GALNTL5: variants seen among roughly 807,000 people sequenced by gnomAD.
GALNTL5 encodes the protein inactive polypeptide N-acetylgalactosaminyltransferase-like protein 5.
Under a neutral mutation model 51.0 loss-of-function variants are expected in GALNTL5, and 44 were observed. The observed-to-expected ratio is 0.86, with a 90% CI of 0.68 to 1.11. GALNTL5 has a LOEUF of 1.11. GALNTL5 is among the 50% of genes least tolerant of loss of function. The pLI is 0.00. For missense variants in GALNTL5, 528 were observed against 531.8 expected, an observed-to-expected ratio of 0.99 and a Z score of 0.07; for synonymous variants, 192 against 182.8, an observed-to-expected ratio of 1.05 and a Z score of -0.41.
At chr7:152,002,679 T>A in intron 5 of GALNTL5, 35 bp from the exon 6 acceptor site, 1 of 1,602,580 alleles carries the variant, frequency 6.2e-7, no homozygotes, top group Non-Finnish European at 8.5e-7. Context: ...TTTTCAGCTA[T>A]GTGGACTAAC....
intron 8 of GALNTL5, among the ~76,000 whole-genome samples, 170 bp from the exon 9 acceptor site, chr7:152,019,476 G>T (rs939919774): frequency 6.6e-6 from 1 of 152,200 alleles, no homozygotes; most frequent in Non-Finnish European, 1.5e-5. Context: ...GTAAATCCGA[G>T]GTCCCATAGT....
In GALNTL5 at chr7:151,999,671, T is replaced by C. The variant is rs2081546562; in HGVS notation, c.659-3043T>C. Among the ~76,000 whole-genome samples the C allele has an allele frequency of 2.0e-5, 3 of 148,576 alleles. 1 individual carries two copies. The highest frequency in any genetic ancestry group is 7.3e-5 in the African/African-American group (3 of 41,246). On this transcript the variant is annotated intron_variant, in intron 5 of 8. Transcript: ENST00000392800. Reference sequence around the variant, plus strand: ...ATCTTCTTAGGAGAACCAGATGTTATTTTTCACCTATCAAATGAGCAGACA... The same window carrying C: ...ATCTTCTTAGGAGAACCAGATGTTACTTTTCACCTATCAAATGAGCAGACA...
chr7:152,002,678 AT>A (rs1225777824), intron 5 of GALNTL5, 35 bp from the exon 6 acceptor site: 1 of 1,601,708 alleles, frequency 6.2e-7, no homozygotes, highest in Non-Finnish European at 8.5e-7. Flanking sequence ...TTTTTCAGCT[AT>A]GTGGACTAAC....
At chr7:151,988,655 A>G (rs2151950019) in intron 5 of GALNTL5, among the ~76,000 whole-genome samples, 1 of 152,256 alleles carries the variant, frequency 6.6e-6, no homozygotes, top group African/African-American at 2.4e-5. Flanking sequence ...ATGCATTTAT[A>G]GATATATACA....
chr7:152,007,178 CTAA>C (rs1056600082), intron 6 of GALNTL5, among the ~76,000 whole-genome samples: 3 of 152,044 alleles, frequency 2.0e-5, no homozygotes, highest in Non-Finnish European at 4.4e-5. Flanking sequence ...TACAATTCAC[CTAA>C]TGTCTTTAGA....
intron 6 of GALNTL5, among the ~76,000 whole-genome samples, chr7:152,003,962 C>A (rs564980988): frequency 6.6e-6 from 1 of 152,006 alleles, no homozygotes; most frequent in Non-Finnish European, 1.5e-5. Flanking sequence ...TACATTGGAT[C>A]ATTCTTTTTG....
chr7:151,960,505 G>C (rs981446198), intron 1 of GALNTL5: 1 of 152,266 alleles, frequency 6.6e-6, no homozygotes, highest in Non-Finnish European at 1.5e-5. Context: ...ATTCGACTAA[G>C]ATTTGCATGG....
chr7:151,979,474 A>AG (rs905106837), intron 3 of GALNTL5, among the ~76,000 whole-genome samples: 8 of 147,372 alleles, frequency 5.4e-5, no homozygotes, highest in African/African-American at 2.0e-4. Context: ...TGGTGGGGGG[A>AG]GGGGGGCAGA....
chr7:152,009,852 C>T (rs2081705996), intron 7 of GALNTL5, among the ~76,000 whole-genome samples: 1 of 152,176 alleles, frequency 6.6e-6, no homozygotes, highest in Non-Finnish European at 1.5e-5. Context: ...CATCAGTCCC[C>T]ATGGCTGTAA....
chr7:151,973,904 C>G (rs2081177958), intron 3 of GALNTL5, among the ~76,000 whole-genome samples: 1 of 152,026 alleles, frequency 6.6e-6, no homozygotes. Context: ...GTAGTTTCCC[C>G]CATGCTGTTC....
At chr7:151,958,554 G>A (rs10952335) in intron 1 of GALNTL5, among the ~76,000 whole-genome samples, 56,275 of 151,818 alleles carry the variant, frequency 0.37, 11,179 homozygotes, top group Middle Eastern at 0.53. Context: ...GTTTGGTTGC[G>A]GCAAACAGTG....
chr7:151,973,888 A>G (rs537615474), intron 3 of GALNTL5, among the ~76,000 whole-genome samples: 14 of 152,144 alleles, frequency 9.2e-5, no homozygotes, highest in Non-Finnish European at 1.6e-4. Context: ...TGATTGGATC[A>G]TGGGAGTAGT....
Position 151,983,240 on chromosome 7 carries a change from C to A in GALNTL5, c.535+88C>A. ...TCACCCAGGCTGGAGTGCAGTGGTA[C>A]CATCTCGGCTCACTGCAACCTCTGC... On this transcript the variant is annotated intron_variant, in intron 4 of 8. Coordinates refer to ENST00000392800, the MANE Select transcript of GALNTL5 (RefSeq NM_145292.4). 4 of 1,120,710 alleles carry A rather than the reference C, an allele frequency of 3.6e-6. No individual in the cohort carries two copies. The Admixed American group carries it at 5.1e-5, about 14-fold the overall frequency. 69.4% of individuals were successfully genotyped at this position (1,120,710 alleles called of 1,614,324 possible).
chr7:151,974,118 C>CTGGCTTATTTTGCTT (rs1269407130), intron 3 of GALNTL5, among the ~76,000 whole-genome samples: 9 of 67,458 alleles, frequency 1.3e-4, no homozygotes, highest in East Asian at 8.1e-4. Context: ...TACCCAGTCT[C>CTGGCTTATTTTGCTT]AGGTGGTATC....
intron 1 of GALNTL5, among the ~76,000 whole-genome samples, chr7:151,958,948 G>A (rs1293871243): frequency 2.6e-5 from 4 of 152,168 alleles, no homozygotes; most frequent in African/African-American, 9.7e-5. Flanking sequence ...GGGTTTTCAT[G>A]GGCTCAGAAT....
At chr7:151,981,681 C>T (rs77671718) in intron 3 of GALNTL5, among the ~76,000 whole-genome samples, 1,011 of 65,228 alleles carry the variant, frequency 0.015, 4 homozygotes, top group South Asian at 0.026. Context: ...TTCTTTCTTT[C>T]TTTTTTTTTT....
rs2081072609 is a variant in GALNTL5 at position 151,967,328 on chromosome 7, C to T, written c.82C>T (p.His28Tyr). The T allele has an allele frequency of 6.2e-7, 1 of 1,613,982 alleles. No homozygotes were observed. The highest frequency in any genetic ancestry group is 8.5e-7 in the Non-Finnish European group (1 of 1,180,004). Residue 28 changes from histidine (H) to tyrosine (Y), a missense_variant, in exon 2 of 9, where the codon CAC becomes TAC. Transcript: ENST00000392800. ...GACAGCTCTGTTATTCATATATTTG[C>T]ACCATAATCATGTGAGCAGCTGGCA... The part of the protein sequence containing the change: ...IWTALLFIYL[H>Y]HNHVSSWQKK...
rs147950928 is a variant in GALNTL5 at position 151,965,930 on chromosome 7, C to T, written c.-39-1278C>T. On this transcript the variant is annotated intron_variant, in intron 1 of 8. Transcript: ENST00000392800. ...TAGGAGTTCTTTATTCTCCTCCCCC[C>T]AACCATGGAGGTAATCACTGTTATG... Among the ~76,000 whole-genome samples the T allele has an allele frequency of 1.2e-3, 184 of 152,150 alleles. 1 individual carries two copies. Among genetic ancestry groups the T allele is most frequent in the African/African-American group, 4.2e-3 (174 of 41,502 alleles).
chr7:151,987,293 C>A lies in GALNTL5; in HGVS notation c.658+12C>A. 2 of 1,555,762 alleles carry A rather than the reference C, an allele frequency of 1.3e-6. No homozygotes were observed. Among genetic ancestry groups the A allele is most frequent in the African/African-American group, 2.8e-5 (2 of 71,220 alleles). On this transcript the variant is annotated intron_variant, in intron 5 of 8. Coordinates refer to ENST00000392800, the MANE Select transcript of GALNTL5 (RefSeq NM_145292.4). Reference sequence around the variant, plus strand: ...TTCTCATGCTTCAGGTAGGAACATTCCTGGGGACAAGAGCCAGTGACGGCG... The same window carrying A: ...TTCTCATGCTTCAGGTAGGAACATTACTGGGGACAAGAGCCAGTGACGGCG...
Sources: gnomAD v4.1 joint callset for allele counts (sites outside exome capture counted in the v4.1 genomes callset) on GRCh38, gnomAD v4.1.1 for gene constraint, MANE v1.5 for transcripts, NCBI Gene and HGNC (gene_info 2026-07-23, HGNC 2026-07-21) for gene names.